E2F5: variants seen among roughly 807,000 people sequenced by gnomAD.
The protein encoded by E2F5 is transcription factor E2F5.
A neutral mutation model predicts 39.1 loss-of-function variants in E2F5; 23 were observed. That is an observed-to-expected ratio of 0.59 (90% CI 0.42 to 0.83). The LOEUF (loss-of-function observed/expected upper bound fraction) is 0.83, where lower values mean the gene tolerates loss of function less well. Ranked by LOEUF, E2F5 falls within the 40% of genes least tolerant of loss-of-function variation. The pLI, the probability that E2F5 is intolerant of heterozygous loss-of-function variation, is 0.00. For missense variants in E2F5, 365 were observed against 406.7 expected (o/e 0.90, Z 0.88); for synonymous variants, 145 against 157.8 (o/e 0.92, Z 0.61).
intron 1 of E2F5, among the ~76,000 whole-genome samples, chr8:85,192,341 T>C (rs1346230441): frequency 6.6e-6 from 1 of 152,144 alleles, no homozygotes; most frequent in Non-Finnish European, 1.5e-5. Context: ...ATCGGAATTA[T>C]AGGTTTGGAA....
intron 1 of E2F5, among the ~76,000 whole-genome samples, chr8:85,193,858 A>G (rs2129682269): frequency 6.6e-6 from 1 of 152,192 alleles, no homozygotes; most frequent in Admixed American, 6.5e-5. Context: ...GATGTACCAC[A>G]CTTTGCTTAT....
In E2F5 at chr8:85,203,351, A is replaced by G. The variant is rs1428679022; in HGVS notation, c.506+96A>G. ...AAGATCATTCACTTTGTTTTTAGAC[A>G]GTTAAGTTTTATAAGTAAATATGAC... On this transcript the variant is annotated intron_variant, in intron 3 of 7. Transcript: ENST00000416274. The G allele has an allele frequency of 6.7e-6, 7 of 1,050,464 alleles. No individual in the cohort carries two copies. The East Asian group carries it at 2.2e-4, about 33-fold the overall frequency. The allele number at this position is 1,050,464 out of a possible 1,614,324, so 65.1% of individuals were successfully genotyped here.
At chr8:85,209,901 G>T (rs1415604057) in intron 6 of E2F5, among the ~76,000 whole-genome samples, 2 of 152,056 alleles carry the variant, frequency 1.3e-5, no homozygotes, top group African/African-American at 4.8e-5. Context: ...CATATTCTTT[G>T]TTATACTTTT....
At chr8:85,181,916 G>T (rs1021264710) in intron 1 of E2F5, among the ~76,000 whole-genome samples, 1 of 151,404 alleles carries the variant, frequency 6.6e-6, no homozygotes, top group Non-Finnish European at 1.5e-5. Flanking sequence ...AGCCGAGATC[G>T]CACCACTGCA....
At chr8:85,197,793 G>A (rs1291184494) in intron 1 of E2F5, among the ~76,000 whole-genome samples, 1 of 152,158 alleles carries the variant, frequency 6.6e-6, no homozygotes, top group African/African-American at 2.4e-5. Flanking sequence ...GCAAGCATGG[G>A]TTGGGAATGG....
chr8:85,190,051 C>T (rs768999101), intron 1 of E2F5, among the ~76,000 whole-genome samples: 3 of 152,182 alleles, frequency 2.0e-5, no homozygotes, highest in Non-Finnish European at 4.4e-5. Flanking sequence ...CTACTTAGAA[C>T]AACGTTCAGA....
At position 85,206,250 on chromosome 8, in the gene E2F5, C is replaced by T. The variant is rs190744520; in HGVS notation, c.550+30C>T. 1.8e-4 allele frequency: 283 copies of T among 1,601,372 alleles called. 1 individual carries two copies. In the Admixed American group the frequency reaches 4.7e-3, roughly 26 times the overall value. On this transcript the variant is annotated intron_variant, in intron 4 of 7. Coordinates refer to ENST00000416274, the MANE Select transcript of E2F5 (RefSeq NM_001951.4). ...GTACCATTAGACTTTTCCTTGCATTCTTCCTCTCAACCTATTTAGTGGAGG... is the reference window on the plus strand; with the variant it reads ...GTACCATTAGACTTTTCCTTGCATTTTTCCTCTCAACCTATTTAGTGGAGG...
intron 1 of E2F5, among the ~76,000 whole-genome samples, chr8:85,192,587 GAGGA>G (rs1421927846): frequency 2.6e-5 from 4 of 152,214 alleles, no homozygotes; most frequent in Non-Finnish European, 5.9e-5. Context: ...GAGTGCTACA[GAGGA>G]TGCAACAGGA....
chr8:85,202,033 C>CT, intron 1 of E2F5, 114 bp from the exon 2 acceptor site: 2 of 810,588 alleles, frequency 2.5e-6, no homozygotes, highest in South Asian at 3.2e-5. Flanking sequence ...CCCCAAGCAA[C>CT]TGAGTGGGTC....
chr8:85,197,305 C>G (rs899205330), intron 1 of E2F5, among the ~76,000 whole-genome samples: 2 of 152,204 alleles, frequency 1.3e-5, no homozygotes, highest in African/African-American at 4.8e-5. Context: ...ATCAGAAGAA[C>G]AAGCCTGAGC....
At chr8:85,191,203 C>T (rs964122624) in intron 1 of E2F5, among the ~76,000 whole-genome samples, 1 of 151,910 alleles carries the variant, frequency 6.6e-6, no homozygotes, top group Non-Finnish European at 1.5e-5. Context: ...ATAAGCCAGG[C>T]ACAGAAAGAC....
intron 1 of E2F5, among the ~76,000 whole-genome samples, chr8:85,180,169 CG>C (rs1554681983): frequency 2.0e-5 from 3 of 151,650 alleles, no homozygotes; most frequent in Non-Finnish European, 4.4e-5. Flanking sequence ...TACAGGTGCC[CG>C]CCACCATGCC....
Position 85,177,404 on chromosome 8 carries a change from C to T in E2F5, c.-17C>T, listed in dbSNP as rs1386593211. 2.9e-5 allele frequency: 29 copies of T among 987,394 alleles called. No homozygotes were observed. The highest frequency in any genetic ancestry group is 2.3e-5 in the Non-Finnish European group (19 of 832,330). 61.2% of individuals were successfully genotyped at this position (987,394 alleles called of 1,614,324 possible). A position where few individuals can be genotyped will look rare whatever the true frequency, so the allele number is the denominator to read the frequency against. Reference sequence around the variant, plus strand: ...CGAAAGTGCGCGGGGGCCCGACCACCGCGGGGCCGGGACGCGATGGCGGCG... The same window carrying T: ...CGAAAGTGCGCGGGGGCCCGACCACTGCGGGGCCGGGACGCGATGGCGGCG... On this transcript the variant is annotated 5_prime_UTR_variant, in exon 1 of 8. Coordinates refer to ENST00000416274, the MANE Select transcript of E2F5 (RefSeq NM_001951.4).
At chr8:85,207,261 G>A (rs1277599948) in intron 4 of E2F5, among the ~76,000 whole-genome samples, 164 bp from the exon 5 acceptor site, 1 of 152,124 alleles carries the variant, frequency 6.6e-6, no homozygotes, top group East Asian at 1.9e-4. Flanking sequence ...ATAAATCTAT[G>A]CAGTAGGTTG....
In E2F5 at chr8:85,214,346, T is replaced by G; in HGVS notation, c.*484T>G. 1.7e-6 allele frequency: 1 copy of G among 592,926 alleles called. No individual in the cohort carries two copies. Among genetic ancestry groups the G allele is most frequent in the Non-Finnish European group, 3.0e-6 (1 of 334,054 alleles). The allele number at this position is 592,926 out of a possible 1,614,324, so 36.7% of individuals were successfully genotyped here. On this transcript the variant is annotated 3_prime_UTR_variant, in exon 8 of 8. Coordinates refer to ENST00000416274, the MANE Select transcript of E2F5 (RefSeq NM_001951.4). ...ATATATAACTGTTTCAGTGAACAGATTTTGTGAAGTGCCTTCTGTTTTAGC... is the reference window on the plus strand; with the variant it reads ...ATATATAACTGTTTCAGTGAACAGAGTTTGTGAAGTGCCTTCTGTTTTAGC...
intron 5 of E2F5, among the ~76,000 whole-genome samples, chr8:85,207,736 G>A (rs1812828374): frequency 1.2e-5 from 1 of 86,696 alleles, no homozygotes; most frequent in South Asian, 3.3e-4. Context: ...ATATCATTTA[G>A]CTCAAAGTCA....
chr8:85,212,454 G>A, intron 7 of E2F5: 1 of 408,242 alleles, frequency 2.4e-6, no homozygotes, highest in Non-Finnish European at 4.4e-6. Context: ...TAAACTGTTA[G>A]CCCTTTCCAC....
At chr8:85,196,679 C>T (rs929453409) in intron 1 of E2F5, among the ~76,000 whole-genome samples, 2 of 152,134 alleles carry the variant, frequency 1.3e-5, no homozygotes, top group Non-Finnish European at 2.9e-5. Flanking sequence ...TAAATTCCAC[C>T]TTGATCATTC....
intron 7 of E2F5, chr8:85,213,301 T>C (rs1041620168): frequency 6.6e-6 from 1 of 152,496 alleles, no homozygotes; most frequent in Non-Finnish European, 1.5e-5. Flanking sequence ...TCCCAGCACT[T>C]TGGGAGGCCA....
Sources: allele counts gnomAD v4.1 joint callset (sites outside exome capture counted in the v4.1 genomes callset), GRCh38; gene constraint gnomAD v4.1.1; transcripts MANE v1.5; gene names NCBI Gene and HGNC (gene_info 2026-07-23, HGNC 2026-07-21).